SS18L2: variants seen among roughly 807,000 people sequenced by gnomAD.
SS18L2 encodes the protein SS18 like 2.
SS18L2 carries 8 observed loss-of-function variants against 10.3 expected under a neutral mutation model. That is an observed-to-expected ratio of 0.78 (90% CI 0.46 to 1.41). The LOEUF (loss-of-function observed/expected upper bound fraction) is 1.41, where lower values mean the gene tolerates loss of function less well. SS18L2 is among the 40% of genes most tolerant of loss of function. The probability of loss-of-function intolerance (pLI) is 0.00; values close to 1 mark genes in which losing one functional copy is unlikely to be tolerated. For synonymous variants in SS18L2, 41 were observed against 34.6 expected, an observed-to-expected ratio of 1.19 and a Z score of -0.65; for missense variants, 100 against 96.2, an observed-to-expected ratio of 1.04 and a Z score of -0.17.
Position 42,591,514 on chromosome 3 carries a change from T to G in SS18L2, c.70-11T>G. The G allele has an allele frequency of 6.2e-7, 1 of 1,610,666 alleles. No homozygotes were observed. Among genetic ancestry groups the G allele is most frequent in the Non-Finnish European group, 8.5e-7 (1 of 1,176,866 alleles). On this transcript the variant is annotated splice_polypyrimidine_tract_variant and intron_variant, in intron 1 of 2. Coordinates refer to ENST00000011691, the MANE Select transcript of SS18L2 (RefSeq NM_001370300.1). ...GGCCTGCACTGACCCTTTCTTTCTC[T>G]GATCTTTCAGCTCCTTGAGGAGAAT... is the stretch of plus-strand genomic sequence containing the variant.
chr3:42,590,918 G>C lies in SS18L2; in HGVS notation c.21G>C (p.Pro7=), dbSNP rs777148332. Residue 7 remains proline, a synonymous_variant, in exon 1 of 3, where the codon CCG becomes CCC. Transcript: ENST00000011691. ...TCGGGATGTCGGTGGCCTTCGTACCGGACTGGCTGAGGGGCAAGGCGGAAG... is the reference window on the plus strand; with the variant it reads ...TCGGGATGTCGGTGGCCTTCGTACCCGACTGGCTGAGGGGCAAGGCGGAAG... MSVAFV[P]DWLRGKAEVN... 15 of 1,613,206 alleles carry C rather than the reference G, an allele frequency of 9.3e-6. No homozygotes were observed. Among genetic ancestry groups the C allele is most frequent in the Non-Finnish European group, 1.2e-5 (14 of 1,179,720 alleles).
rs1290304119 is a variant in SS18L2 at position 42,595,628 on chromosome 3, A to C, written c.*1119A>C. Among the ~76,000 whole-genome samples, 2 of 152,180 alleles carry C rather than the reference A, an allele frequency of 1.3e-5. No individual in the cohort carries two copies. The highest frequency in any genetic ancestry group is 3.8e-4 in the East Asian group (2 of 5,202). On this transcript the variant is annotated 3_prime_UTR_variant, in exon 3 of 3. Transcript: ENST00000011691. ...ATTTTCTAATTTATCATTCTTTCTG[A>C]CTTTATTAGCTGTATTCTATAAAAA...
upstream of SS18L2, among the ~76,000 whole-genome samples, chr3:42,589,762 G>A (rs950013379): frequency 6.6e-6 from 1 of 152,124 alleles, no homozygotes; most frequent in African/African-American, 2.4e-5. Flanking sequence ...CCCCACCTCC[G>A]TGGAAGACAA....
At chr3:42,591,437 C>A in intron 1 of SS18L2, 88 bp from the exon 2 acceptor site, 2 of 928,078 alleles carry the variant, frequency 2.2e-6, no homozygotes, top group South Asian at 2.6e-5. Context: ...TCGTGATCCG[C>A]CTAGATCGGC....
At position 42,595,875 on chromosome 3, in the gene SS18L2, T is replaced by A. The variant is rs1705012152; in HGVS notation, c.*1366T>A. ...TGTTTCCTCACCTCTAAAGTGAGGA[T>A]AATGAAAATAGCATCTGCCTCCTGA... is the stretch of plus-strand genomic sequence containing the variant. On this transcript the variant is annotated 3_prime_UTR_variant, in exon 3 of 3. Transcript: ENST00000011691. 6.6e-6 allele frequency among the ~76,000 whole-genome samples: 1 copy of A among 152,208 alleles called. No homozygotes were observed. The highest frequency in any genetic ancestry group is 1.5e-5 in the Non-Finnish European group (1 of 68,028).
upstream of SS18L2, chr3:42,590,665 A>C: frequency 1.7e-6 from 1 of 597,680 alleles, no homozygotes; most frequent in South Asian, 2.0e-5. Context: ...GCCCCAACCC[A>C]CAAGTTTCGC....
At chr3:42,592,233 C>T (rs547852223) in intron 2 of SS18L2, among the ~76,000 whole-genome samples, 18 of 151,906 alleles carry the variant, frequency 1.2e-4, no homozygotes, top group African/African-American at 4.3e-4. Flanking sequence ...GACAGTCTCC[C>T]TCTGTCACCC....
At chr3:42,591,485 G>A in intron 1 of SS18L2, 40 bp from the exon 2 acceptor site, 1 of 1,512,592 alleles carries the variant, frequency 6.6e-7, no homozygotes, top group Non-Finnish European at 9.2e-7. Flanking sequence ...GAGCCACTGC[G>A]CCCGGCCTGC....
At chr3:42,592,055 GACAA>G (rs1167639062) in intron 2 of SS18L2, among the ~76,000 whole-genome samples, 7 of 152,208 alleles carry the variant, frequency 4.6e-5, no homozygotes, top group Admixed American at 2.6e-4. Context: ...CACACACAAA[GACAA>G]ACAAAGGATT....
upstream of SS18L2, among the ~76,000 whole-genome samples, chr3:42,590,500 G>A (rs1278392647): frequency 6.6e-6 from 1 of 151,964 alleles, no homozygotes; most frequent in Non-Finnish European, 1.5e-5. Flanking sequence ...GGTGGCGGGC[G>A]CCTGTAGTCC....
intron 2 of SS18L2, 49 bp from the exon 3 acceptor site, chr3:42,594,373 T>C (rs769547793): frequency 3.4e-6 from 5 of 1,467,736 alleles, no homozygotes; most frequent in African/African-American, 2.8e-5. Flanking sequence ...TTTTTGTTCA[T>C]GGTCGGTAAA....
At chr3:42,583,085 T>C (rs1352543150) in intron 1 of SS18L2, among the ~76,000 whole-genome samples, 1 of 152,206 alleles carries the variant, frequency 6.6e-6, no homozygotes, top group Non-Finnish European at 1.5e-5. Context: ...CTAGAGCGAA[T>C]AGAAGGGGCA....
In SS18L2 at chr3:42,590,883, C is replaced by A. The variant is rs767398659; in HGVS notation, c.-15C>A. On this transcript the variant is annotated 5_prime_UTR_variant, in exon 1 of 3. Coordinates refer to ENST00000011691, the MANE Select transcript of SS18L2 (RefSeq NM_001370300.1). ...TCGAGTTGCTTGGCGGTCGTGGTTC[C>A]GGAGGTTCCTCGGGATGTCGGTGGC... 1 of 1,549,272 alleles carries A rather than the reference C, an allele frequency of 6.5e-7. No homozygotes were observed. Among genetic ancestry groups the A allele is most frequent in the East Asian group, 2.6e-5 (1 of 39,168 alleles).
At chr3:42,586,330 C>T (rs1353173427), upstream of SS18L2, among the ~76,000 whole-genome samples, 3 of 152,186 alleles carry the variant, frequency 2.0e-5, no homozygotes, top group Non-Finnish European at 4.4e-5. Flanking sequence ...TCAAGTGATC[C>T]TCCAGCCTCA....
At chr3:42,591,781 C>T (rs1289329674) in intron 2 of SS18L2, among the ~76,000 whole-genome samples, 180 bp downstream of exon 2, 1 of 152,190 alleles carries the variant, frequency 6.6e-6, no homozygotes, top group Admixed American at 6.5e-5. Context: ...GAGTACACTG[C>T]GGAGCCTGGA....
At chr3:42,592,833 C>T (rs1226942495) in intron 2 of SS18L2, among the ~76,000 whole-genome samples, 2 of 152,156 alleles carry the variant, frequency 1.3e-5, no homozygotes, top group East Asian at 3.9e-4. Flanking sequence ...TTTCTGAGCC[C>T]TTGTCTGATT....
At chr3:42,589,319 G>A (rs577358960), upstream of SS18L2, among the ~76,000 whole-genome samples, 115 of 152,214 alleles carry the variant, frequency 7.6e-4, 1 homozygote, top group Non-Finnish European at 1.3e-3. Flanking sequence ...TCACAGGTTT[G>A]AATAAAGGGA....
chr3:42,584,048 G>A (rs1299053723), intron 1 of SS18L2, among the ~76,000 whole-genome samples: 2 of 152,150 alleles, frequency 1.3e-5, no homozygotes, highest in African/African-American at 4.8e-5. Context: ...CCAGCTTGTA[G>A]ATGGTCTATT....
rs563964020 is a variant in SS18L2, at chr3:42,593,993, G to C, written c.147-429G>C. ...ATAGCCATAAGAGGTGAGATCAGAG[G>C]GGGACTGGAGGCCCCCATCATGTAG... On this transcript the variant is annotated intron_variant, in intron 2 of 2. Transcript: ENST00000011691. Among the ~76,000 whole-genome samples, 50 of 152,264 alleles carry C rather than the reference G, an allele frequency of 3.3e-4. 1 individual carries two copies. In the South Asian group the frequency reaches 0.01, roughly 31 times the overall value.
Sources: allele counts gnomAD v4.1 joint callset (sites outside exome capture counted in the v4.1 genomes callset), GRCh38; gene constraint gnomAD v4.1.1; transcripts MANE v1.5; gene names NCBI Gene and HGNC (gene_info 2026-07-23, HGNC 2026-07-21).